MACF1: variants seen among roughly 807,000 people sequenced by gnomAD.
MACF1 encodes the protein microtubule actin crosslinking factor 1, also known as microtubule-actin cross-linking factor 1.
A neutral mutation model predicts 854.8 loss-of-function variants in MACF1; 193 were observed. The observed-to-expected ratio is 0.23, with a 90% CI of 0.20 to 0.25. The LOEUF (loss-of-function observed/expected upper bound fraction) is 0.25. Ranked by LOEUF, MACF1 falls within the 10% of genes least tolerant of loss-of-function variation. MACF1 has a pLI of 1.00. For missense variants in MACF1, 7,722 were observed against 8,929.1 expected (o/e 0.86, Z 5.45); for synonymous variants, 3,185 against 3,226.7 (o/e 0.99, Z 0.44).
In MACF1 at chr1:39,448,742, T is replaced by C. The variant is rs1248827649; in HGVS notation, c.20237T>C (p.Val6746Ala). Residue 6746 changes from valine (V) to alanine (A), a missense_variant, in exon 84 of 101, where the codon GTT becomes GCT. Val to Ala is a moderately conservative substitution (Grantham distance 64, BLOSUM62 0). This residue lies in a region of MACF1 where 729 missense variants were observed against 900.5 expected (regional missense o/e 0.81). Coordinates refer to ENST00000564288, the MANE Select transcript of MACF1 (RefSeq NM_001394062.1). ...LGEVRDKWDT[V>A]CGKSVERQHK... ...GAAGTCAGAGACAAATGGGATACTG[T>C]TTGTGGCAAGTCTGTGGAGCGGTGA... 2 of 1,612,470 alleles carry C rather than the reference T, an allele frequency of 1.2e-6. No individual in the cohort carries two copies. Among genetic ancestry groups the C allele is most frequent in the Non-Finnish European group, 1.7e-6 (2 of 1,179,212 alleles).
chr1:39,332,689 G>C lies in MACF1; in HGVS notation c.6101G>C (p.Gly2034Ala). Residue 2034 changes from glycine to alanine, a missense_variant, in exon 37 of 101, where the codon GGG (glycine) becomes GCG (alanine). Gly to Ala is a moderately conservative substitution (Grantham distance 60). Transcript: ENST00000564288. ...NVKISGTFSS[G>A]WTVRLPEFQF... ...AAAATCTCAGGAACTTTCAGCAGTG[G>C]GTGGACTGTGAGGCTGCCTGAGTTC... is the stretch of plus-strand genomic sequence containing the variant. The C allele has an allele frequency of 6.2e-7, 1 of 1,614,128 alleles. No individual in the cohort carries two copies. Among genetic ancestry groups the C allele is most frequent in the South Asian group, 1.1e-5 (1 of 91,078 alleles).
intron 6 of MACF1, among the ~76,000 whole-genome samples, chr1:39,267,473 C>T (rs925103123): frequency 5.3e-5 from 8 of 152,168 alleles, no homozygotes; most frequent in Admixed American, 2.6e-4. Flanking sequence ...TCAGGCAATC[C>T]GCCTGCCTTG....
chr1:39,235,226 G>A (rs1173741706), intron 2 of MACF1, among the ~76,000 whole-genome samples: 1 of 152,274 alleles, frequency 6.6e-6, no homozygotes, highest in East Asian at 1.9e-4. Flanking sequence ...ATTGAGCACT[G>A]AGTGAACGAG....
chr1:39,458,576 T>A, intron 90 of MACF1, 86 bp downstream of exon 90: 1 of 1,474,070 alleles, frequency 6.8e-7, no homozygotes, highest in Non-Finnish European at 9.1e-7. Context: ...AAAAAAATTA[T>A]ATTCCATTTT....
intron 61 of MACF1, among the ~76,000 whole-genome samples, chr1:39,426,134 A>G (rs1280823963): frequency 1.3e-5 from 2 of 152,206 alleles, no homozygotes; most frequent in Non-Finnish European, 2.9e-5. Context: ...TTCAAATTTA[A>G]TAATAATTTT....
At chr1:39,289,353 C>T (rs1645719142) in intron 15 of MACF1, among the ~76,000 whole-genome samples, 1 of 152,140 alleles carries the variant, frequency 6.6e-6, no homozygotes, top group Admixed American at 6.5e-5. Context: ...ACATTCCCAC[C>T]AACAGCATAC....
At chr1:39,227,983 G>T (rs1294386794) in intron 1 of MACF1, among the ~76,000 whole-genome samples, 1 of 152,130 alleles carries the variant, frequency 6.6e-6, no homozygotes, top group African/African-American at 2.4e-5. Context: ...GTGCTTACCT[G>T]TTATAGCACT....
intron 5 of MACF1, chr1:39,257,407 A>G (rs1164206019): frequency 6.5e-6 from 1 of 152,724 alleles, no homozygotes; most frequent in Non-Finnish European, 1.5e-5. Flanking sequence ...GGTTCACGCC[A>G]TTCTCCTGCC....
intron 2 of MACF1, among the ~76,000 whole-genome samples, chr1:39,169,964 G>A (rs1262610997): frequency 1.3e-5 from 2 of 149,806 alleles, no homozygotes; most frequent in African/African-American, 2.5e-5. Context: ...GTATTTTTTA[G>A]TAGAGATGGG....
chr1:39,404,141 ATAAG>A (rs199609612), intron 58 of MACF1, among the ~76,000 whole-genome samples: 154 of 138,112 alleles, frequency 1.1e-3, no homozygotes, highest in African/African-American at 3.9e-3. Context: ...AAATAAATAA[ATAAG>A]TAAGTAAATA....
chr1:39,458,122 T>C (rs1195267043), intron 89 of MACF1: 2 of 393,166 alleles, frequency 5.1e-6, no homozygotes, highest in Non-Finnish European at 9.3e-6. Context: ...TCATGAGGAA[T>C]TTGCCCCCAT....
intron 2 of MACF1, among the ~76,000 whole-genome samples, chr1:39,232,907 T>G (rs950207760): frequency 6.6e-6 from 1 of 151,960 alleles, no homozygotes; most frequent in Non-Finnish European, 1.5e-5. Context: ...CTCATCCTCC[T>G]GAGTAGCTGG....
At chr1:39,159,489 C>T (rs1398631289) in intron 2 of MACF1, among the ~76,000 whole-genome samples, 2 of 151,878 alleles carry the variant, frequency 1.3e-5, no homozygotes, top group African/African-American at 2.4e-5. Context: ...GGGAGGAATG[C>T]AGGTTGATGG....
At chr1:39,143,467 T>C (rs994266638) in intron 2 of MACF1, among the ~76,000 whole-genome samples, 2 of 152,168 alleles carry the variant, frequency 1.3e-5, no homozygotes, top group African/African-American at 4.8e-5. Flanking sequence ...AGCAAGTGGC[T>C]TGTTTAGGGT....
intron 41 of MACF1, among the ~76,000 whole-genome samples, chr1:39,347,718 C>T (rs542319828): frequency 1.3e-5 from 2 of 152,248 alleles, no homozygotes; most frequent in African/African-American, 2.4e-5. Flanking sequence ...TTATTAGAAT[C>T]GTATTAATTT....
rs778723919 is a variant in MACF1, at chr1:39,443,591, G to C, written c.19431+17G>C. On this transcript the variant is annotated intron_variant, in intron 79 of 100. Transcript: ENST00000564288. ...ACACATATGGTAATAGCAATTTTTT[G>C]AAATTGAGCATAAGCATCCCATATT... 4 of 1,585,600 alleles carry C rather than the reference G, an allele frequency of 2.5e-6. No individual in the cohort carries two copies. Among genetic ancestry groups the C allele is most frequent in the Non-Finnish European group, 2.6e-6 (3 of 1,170,594 alleles).
At chr1:39,412,842 A>G (rs1643083310) in intron 58 of MACF1, 5 of 1,611,488 alleles carry the variant, frequency 3.1e-6, no homozygotes, top group Non-Finnish European at 4.2e-6. Context: ...AGGGTACCTC[A>G]ATTGCTGCAG....
chr1:39,455,202 C>T, intron 89 of MACF1, 105 bp downstream of exon 89: 1 of 1,108,980 alleles, frequency 9.0e-7, no homozygotes, highest in South Asian at 1.5e-5. Context: ...TAACACATTA[C>T]CACAGACTTA....
At chr1:39,459,339 G>T (rs1644504235) in intron 91 of MACF1, 90 bp downstream of exon 91, 2 of 1,343,638 alleles carry the variant, frequency 1.5e-6, no homozygotes, top group Non-Finnish European at 2.0e-6. Context: ...TGTGAACCTT[G>T]TGTCTTAATT....
Sources: allele counts gnomAD v4.1 joint callset (sites outside exome capture counted in the v4.1 genomes callset), GRCh38; gene constraint gnomAD v4.1.1; regional missense constraint gnomAD v4.1.1; transcripts MANE v1.5; gene names NCBI Gene and HGNC (gene_info 2026-07-23, HGNC 2026-07-21).